SMIM41: variants seen among roughly 807,000 people sequenced by gnomAD.
SMIM41 encodes small integral membrane protein 41.
At chr12:52,099,508 C>T (rs545151330) in intron 2 of SMIM41, among the ~76,000 whole-genome samples, 3 of 152,030 alleles carry the variant, frequency 2.0e-5, no homozygotes, top group South Asian at 2.1e-4. Flanking sequence ...AACAGTATCA[C>T]GGGGTGGGGG....
In SMIM41 at chr12:52,097,779, G is replaced by A. The variant is rs146472917; in HGVS notation, c.*196-9600G>A. ...GATGGACACTTTGACGATATTGGGA[G>A]TAACATCATTCTCTCTACCCCTGGA... On this transcript the variant is annotated intron_variant, in intron 2 of 2. Transcript: ENST00000546390. Among the ~76,000 whole-genome samples the A allele has an allele frequency of 3.2e-3, 485 of 152,178 alleles. 2 individuals carry two copies. The highest frequency in any genetic ancestry group is 9.2e-3 in the African/African-American group (381 of 41,492).
At chr12:52,095,534 A>C (rs556512244) in intron 2 of SMIM41, among the ~76,000 whole-genome samples, 4 of 152,144 alleles carry the variant, frequency 2.6e-5, no homozygotes, top group Admixed American at 6.5e-5. Context: ...ACAATATCAC[A>C]GGAGTGTTTC....
At position 52,107,452 on chromosome 12, in the gene SMIM41, G is replaced by A. The variant is rs1310114777; in HGVS notation, c.*269G>A. On this transcript the variant is annotated 3_prime_UTR_variant, in exon 3 of 3. Transcript: ENST00000546390. ...GTCCATGTGCCTGGTCATGGTGCTGGGGAACCTGCTCATCATCCGGCCATG... is the reference window on the plus strand; with the variant it reads ...GTCCATGTGCCTGGTCATGGTGCTGAGGAACCTGCTCATCATCCGGCCATG... The A allele has an allele frequency of 1.7e-6, 1 of 604,442 alleles. No individual in the cohort carries two copies. The highest frequency in any genetic ancestry group is 1.9e-5 in the African/African-American group (1 of 53,812). The allele number at this position is 604,442 out of a possible 1,614,324, so 37.4% of individuals were successfully genotyped here. A position where few individuals can be genotyped will look rare whatever the true frequency, so the allele number is the denominator to read the frequency against.
intron 2 of SMIM41, 128 bp downstream of exon 2, chr12:52,084,096 C>G (rs1379608303): frequency 1.3e-5 from 2 of 152,274 alleles, no homozygotes; most frequent in African/African-American, 4.8e-5. Context: ...CAAGACAGGG[C>G]TGGGTGCAGT....
chr12:52,097,480 G>C (rs971719214), intron 2 of SMIM41, among the ~76,000 whole-genome samples: 1 of 152,054 alleles, frequency 6.6e-6, no homozygotes, highest in African/African-American at 2.4e-5. Flanking sequence ...CCCCGCTGAT[G>C]CGCAGAGTGA....
chr12:52,091,225 C>G (rs961884053), intron 2 of SMIM41, among the ~76,000 whole-genome samples: 4 of 152,108 alleles, frequency 2.6e-5, no homozygotes, highest in African/African-American at 9.7e-5. Flanking sequence ...CTCCATGGTC[C>G]CCTCTGCGTT....
chr12:52,088,044 G>A (rs1170470417), intron 2 of SMIM41, among the ~76,000 whole-genome samples: 2 of 152,302 alleles, frequency 1.3e-5, no homozygotes, highest in East Asian at 3.9e-4. Flanking sequence ...ATGTTAATCT[G>A]CCCACCCATT....
chr12:52,105,773 CA>C (rs1003615180), intron 2 of SMIM41, among the ~76,000 whole-genome samples: 5 of 149,968 alleles, frequency 3.3e-5, no homozygotes, highest in Admixed American at 6.7e-5. Context: ...AAAACAAAAA[CA>C]AAAAAAAACT....
At chr12:52,089,480 G>T (rs137878963) in intron 2 of SMIM41, among the ~76,000 whole-genome samples, 2 of 152,118 alleles carry the variant, frequency 1.3e-5, no homozygotes, top group Non-Finnish European at 2.9e-5. Context: ...GTGCATGCCA[G>T]CTACTCTGGA....
At chr12:52,086,863 G>T (rs1939901786) in intron 2 of SMIM41, among the ~76,000 whole-genome samples, 1 of 152,188 alleles carries the variant, frequency 6.6e-6, no homozygotes, top group Non-Finnish European at 1.5e-5. Context: ...TCTTGCCCAT[G>T]TCCTAACTTC....
chr12:52,101,005 AAAGG>A (rs1175934294), intron 2 of SMIM41, among the ~76,000 whole-genome samples: 1 of 152,210 alleles, frequency 6.6e-6, no homozygotes, highest in Non-Finnish European at 1.5e-5. Context: ...TTCAGCCTAA[AAAGG>A]AGTAAAATCC....
rs1337803901 is a variant in SMIM41, at chr12:52,081,257, G to A, written c.*120+1076G>A. 6.6e-6 allele frequency among the ~76,000 whole-genome samples: 1 copy of A among 152,024 alleles called. No individual in the cohort carries two copies. On this transcript the variant is annotated intron_variant, in intron 1 of 2. Coordinates refer to ENST00000546390, the MANE Select transcript of SMIM41 (RefSeq NM_001369216.1). This position sits in a 1 kb window ranked among gnomAD's most constrained non-coding sequence, Gnocchi z 4.1. ...GTCAGGGGTGACTTTGGCCTCTCTTGCCCCCCCTCCCCCGATTCTGGAGCC... is the reference window on the plus strand; with the variant it reads ...GTCAGGGGTGACTTTGGCCTCTCTTACCCCCCCTCCCCCGATTCTGGAGCC...
chr12:52,089,843 C>G (rs533631415), intron 2 of SMIM41, among the ~76,000 whole-genome samples: 1 of 152,194 alleles, frequency 6.6e-6, no homozygotes, highest in Non-Finnish European at 1.5e-5. Flanking sequence ...TTCAGTATGA[C>G]CTCGTCTTAA....
At chr12:52,086,056 A>C (rs1939887382) in intron 2 of SMIM41, among the ~76,000 whole-genome samples, 1 of 152,230 alleles carries the variant, frequency 6.6e-6, no homozygotes, top group Non-Finnish European at 1.5e-5. Context: ...GCGAGAAGGC[A>C]GGGGATGCAG....
rs2120742094 is a variant in SMIM41, at chr12:52,107,767, G to C, written c.*584G>C. ...GAACCTGTGTTTCTGTGGCTTCCTA[G>C]TTTTGCTGTCTTTTTTTTTTCTCAG... is the stretch of plus-strand genomic sequence containing the variant. On this transcript the variant is annotated 3_prime_UTR_variant, in exon 3 of 3. Coordinates refer to ENST00000546390, the MANE Select transcript of SMIM41 (RefSeq NM_001369216.1). The C allele has an allele frequency of 2.6e-6, 1 of 380,564 alleles. No individual in the cohort carries two copies. The highest frequency in any genetic ancestry group is 5.0e-6 in the Non-Finnish European group (1 of 199,744). The allele number at this position is 380,564 out of a possible 1,614,324, so 23.6% of individuals were successfully genotyped here. A position where few individuals can be genotyped will look rare whatever the true frequency, so the allele number is the denominator to read the frequency against.
intron 2 of SMIM41, among the ~76,000 whole-genome samples, chr12:52,101,007 A>G (rs1435962035): frequency 6.6e-6 from 1 of 152,222 alleles, no homozygotes; most frequent in Non-Finnish European, 1.5e-5. Flanking sequence ...CAGCCTAAAA[A>G]GGAGTAAAAT....
rs974698205 is a variant in SMIM41 at position 52,079,832 on chromosome 12, G to C, written c.53G>C (p.Cys18Ser). Residue 18 changes from cysteine (C) to serine (S), a missense_variant, in exon 1 of 3, where the codon TGC becomes TCC. Physicochemically the swap from Cys to Ser is moderately radical, Grantham distance 112. Coordinates refer to ENST00000546390, the MANE Select transcript of SMIM41 (RefSeq NM_001369216.1). Reference sequence around the variant, plus strand: ...GCTCAGGCCGCCTGGCTGAGCTCCTGCTGTAACCAGTCGGCGTCGCCGCCG... The same window carrying C: ...GCTCAGGCCGCCTGGCTGAGCTCCTCCTGTAACCAGTCGGCGTCGCCGCCG... ...AAAQAAWLSSCCNQSASPPEP... is the reference protein window; with the variant it reads ...AAAQAAWLSSSCNQSASPPEP... 2.5e-6 allele frequency: 1 copy of C among 393,830 alleles called. No homozygotes were observed. Among genetic ancestry groups the C allele is most frequent in the Non-Finnish European group, 4.5e-6 (1 of 222,904 alleles). 24.4% of individuals were successfully genotyped at this position (393,830 alleles called of 1,614,324 possible). A position where few individuals can be genotyped will look rare whatever the true frequency, so the allele number is the denominator to read the frequency against.
intron 2 of SMIM41, among the ~76,000 whole-genome samples, chr12:52,098,709 C>G (rs1940151801): frequency 6.9e-6 from 1 of 145,426 alleles, no homozygotes; most frequent in African/African-American, 2.6e-5. Flanking sequence ...ATCCTCTCCC[C>G]CCTTGTATAT....
rs371698822 is a variant in SMIM41, at chr12:52,084,306, G to A, written c.*195+338G>A. 3.4e-4 allele frequency among the ~76,000 whole-genome samples: 52 copies of A among 151,524 alleles called. No individual in the cohort carries two copies. In the South Asian group the frequency reaches 5.0e-3, roughly 15 times the overall value. ...GCAGAGGTTGCAGTGAGCCGCGATCGTGCCACTACACTCCAGCCTGGGTGA... is the reference window on the plus strand; with the variant it reads ...GCAGAGGTTGCAGTGAGCCGCGATCATGCCACTACACTCCAGCCTGGGTGA... On this transcript the variant is annotated intron_variant, in intron 2 of 2. Coordinates refer to ENST00000546390, the MANE Select transcript of SMIM41 (RefSeq NM_001369216.1).
Sources: gnomAD v4.1 joint callset for allele counts (sites outside exome capture counted in the v4.1 genomes callset) on GRCh38, gnomAD v4.1.1 for gene constraint, Gnocchi (gnomAD v3.1) non-coding constraint, MANE v1.5 for transcripts, NCBI Gene and HGNC (gene_info 2026-07-23, HGNC 2026-07-21) for gene names.